The following NT5DC3 variants were observed in gnomAD, a reference collection of about 807,000 sequenced individuals.
The protein encoded by NT5DC3 is 5'-nucleotidase domain containing 3.
Under a neutral mutation model 67.8 loss-of-function variants are expected in NT5DC3, and 42 were observed. The ratio of observed to expected loss-of-function variants is 0.62; its 90% CI spans 0.48 to 0.80. The LOEUF is 0.80. Among genes scored for constraint, NT5DC3 ranks in the 30% least tolerant of loss-of-function variants. The pLI is 0.00. For synonymous variants in NT5DC3, 237 were observed against 255.6 expected (o/e 0.93, Z 0.69); for missense variants, 570 against 696.4 (o/e 0.82, Z 2.04).
Position 103,777,910 on chromosome 12 carries a change from T to C in NT5DC3, c.1566A>G (p.Pro522=). The C allele has an allele frequency of 6.2e-7, 1 of 1,614,186 alleles. No homozygotes were observed. The highest frequency in any genetic ancestry group is 8.5e-7 in the Non-Finnish European group (1 of 1,180,030). Residue 522 remains proline, a synonymous_variant, in exon 14 of 14, where the codon CCA becomes CCG. Coordinates refer to ENST00000392876, the MANE Select transcript of NT5DC3 (RefSeq NM_001031701.3). Reference sequence around the variant, plus strand: ...ACCAGGCGGGCAGTTCGTGCTGCAGTGGAGTCCTCCGGGGGTAGAAAGTGT... The same window carrying C: ...ACCAGGCGGGCAGTTCGTGCTGCAGCGGAGTCCTCCGGGGGTAGAAAGTGT... ...VSHTFYPRRT[P]LQHELPAWSE...
chr12:103,817,676 T>C (rs78288940), intron 1 of NT5DC3, among the ~76,000 whole-genome samples: 15,417 of 152,168 alleles, frequency 0.1, 1,116 homozygotes, highest in East Asian at 0.29. Flanking sequence ...ACACTAGAGA[T>C]GCATGGAAAT....
chr12:103,830,182 T>C (rs943903738), intron 1 of NT5DC3, among the ~76,000 whole-genome samples: 1 of 152,218 alleles, frequency 6.6e-6, no homozygotes, highest in Non-Finnish European at 1.5e-5. Context: ...AGCCCCATTT[T>C]ACATATAAGG....
the NT5DC3 span, among the ~76,000 whole-genome samples, chr12:103,747,820 C>T: frequency 6.6e-6 from 1 of 151,910 alleles, no homozygotes; most frequent in Non-Finnish European, 1.5e-5. Context: ...CATGGTGAAA[C>T]CCCATCTCTA....
At chr12:103,827,351 A>G (rs1887738465) in intron 1 of NT5DC3, among the ~76,000 whole-genome samples, 1 of 152,218 alleles carries the variant, frequency 6.6e-6, no homozygotes, top group African/African-American at 2.4e-5. Context: ...CACTATCAAC[A>G]TAAGGGCAGA....
intron 1 of NT5DC3, among the ~76,000 whole-genome samples, chr12:103,836,989 C>A (rs142176549): frequency 3.3e-5 from 5 of 152,228 alleles, no homozygotes; most frequent in Non-Finnish European, 5.9e-5. Context: ...ATTTCCCTTC[C>A]GCAATGCCCT....
Position 103,777,833 on chromosome 12 carries a change from T to C in NT5DC3, c.1643A>G (p.Lys548Arg). 1 of 1,609,816 alleles carries C rather than the reference T, an allele frequency of 6.2e-7. No homozygotes were observed. The highest frequency in any genetic ancestry group is 1.1e-5 in the South Asian group (1 of 90,694). ...GTPLLQEAQA[K>R] ...GTTTCTAGTTTTTGCCCTTGGCTAC[T>C]TGGCCTGGGCCTCCTGCAGGAGAGG... Residue 548 changes from lysine to arginine, a missense_variant, in exon 14 of 14, where the codon AAG becomes AGG. Lys to Arg is a conservative substitution (Grantham distance 26, BLOSUM62 2). Around this residue, in one of 2 missense-constraint regions of NT5DC3, gnomAD observed 466 missense variants for 608.0 expected, o/e 0.77. Transcript: ENST00000392876.
intron 1 of NT5DC3, among the ~76,000 whole-genome samples, chr12:103,833,935 T>C (rs532211300): frequency 1.3e-5 from 2 of 152,286 alleles, no homozygotes; most frequent in East Asian, 3.9e-4. Context: ...GCCCTTTCAA[T>C]TATGATCACA....
chr12:103,758,250 C>T, the NT5DC3 span: 1 of 1,614,054 alleles, frequency 6.2e-7, no homozygotes, highest in African/African-American at 1.3e-5. Flanking sequence ...TCCGCGGCAC[C>T]CTCTTTGTGC....
intron 2 of NT5DC3, among the ~76,000 whole-genome samples, chr12:103,812,367 T>C (rs1042473907): frequency 6.6e-6 from 1 of 152,222 alleles, no homozygotes; most frequent in Non-Finnish European, 1.5e-5. Flanking sequence ...CATAACTGAC[T>C]CTACTAATAT....
chr12:103,834,846 G>C (rs1047691630), intron 1 of NT5DC3, among the ~76,000 whole-genome samples: 3 of 152,166 alleles, frequency 2.0e-5, no homozygotes, highest in African/African-American at 7.2e-5. Context: ...GAAAGAAACA[G>C]ATCAAGTGGC....
the NT5DC3 span, among the ~76,000 whole-genome samples, chr12:103,759,708 A>T: frequency 6.6e-6 from 1 of 152,228 alleles, no homozygotes; most frequent in East Asian, 1.9e-4. Flanking sequence ...GATGGTGGTG[A>T]TGATGATACA....
chr12:103,795,991 T>C (rs1393625571), intron 6 of NT5DC3, among the ~76,000 whole-genome samples: 1 of 152,212 alleles, frequency 6.6e-6, no homozygotes, highest in Non-Finnish European at 1.5e-5. Context: ...TCACTTAAAG[T>C]CACGGATGCC....
At chr12:103,749,069 CG>C in the NT5DC3 span, 1 of 1,614,118 alleles carries the variant, frequency 6.2e-7, no homozygotes, top group East Asian at 2.2e-5. Context: ...ACAAAGGGGA[CG>C]GGCACAGCTG....
chr12:103,758,608 G>A, the NT5DC3 span, among the ~76,000 whole-genome samples: 1 of 152,312 alleles, frequency 6.6e-6, no homozygotes, highest in East Asian at 1.9e-4. Context: ...GCTTTCTCAA[G>A]CCTCTGTTTG....
intron 11 of NT5DC3, among the ~76,000 whole-genome samples, chr12:103,786,819 AT>A (rs1885803721): frequency 6.6e-6 from 1 of 151,664 alleles, no homozygotes; most frequent in Non-Finnish European, 1.5e-5. Flanking sequence ...AGTAGCTGGG[AT>A]TACAGGCGTG....
At chr12:103,840,652 G>A (rs889822705) in intron 1 of NT5DC3, among the ~76,000 whole-genome samples, 1 of 152,080 alleles carries the variant, frequency 6.6e-6, no homozygotes, top group Admixed American at 6.5e-5. Context: ...AGCCCCGCGC[G>A]GCCCAAAGCC....
chr12:103,807,070 T>C (rs1284708650), intron 2 of NT5DC3, 141 bp from the exon 3 acceptor site: 4 of 585,930 alleles, frequency 6.8e-6, no homozygotes, highest in East Asian at 2.9e-5. Flanking sequence ...CCACAGCTTG[T>C]CCCTCTGCTT....
chr12:103,840,396 ATC>A (rs1888343347), intron 1 of NT5DC3, among the ~76,000 whole-genome samples: 1 of 143,844 alleles, frequency 7.0e-6, no homozygotes, highest in African/African-American at 2.6e-5. Context: ...ATCTCATCTC[ATC>A]TCATCTCATC....
chr12:103,780,304 T>C lies in NT5DC3; in HGVS notation c.1390A>G (p.Met464Val), dbSNP rs1398113536. The change falls in exon 13 of 14, where the codon ATG becomes GTG. Residue 464 changes from methionine to valine, a missense_variant. Met to Val is a conservative substitution (Grantham distance 21, BLOSUM62 1). Coordinates refer to ENST00000392876, the MANE Select transcript of NT5DC3 (RefSeq NM_001031701.3). ...TTCAATACAGGCCTCTCTTACCGCA[T>C]CTCCTTCCTTTCCTTTTTCCACTCC... is the stretch of plus-strand genomic sequence containing the variant. ...LQEWKKERKE[M>V]REMTKSFFNA... The C allele has an allele frequency of 1.9e-6, 3 of 1,613,626 alleles. No individual in the cohort carries two copies. Among genetic ancestry groups the C allele is most frequent in the African/African-American group, 2.7e-5 (2 of 74,908 alleles).
Sources: allele counts gnomAD v4.1 joint callset (sites outside exome capture counted in the v4.1 genomes callset), GRCh38; gene constraint gnomAD v4.1.1; regional missense constraint gnomAD v4.1.1; transcripts MANE v1.5; gene names NCBI Gene and HGNC (gene_info 2026-07-23, HGNC 2026-07-21).